Variants in ENTREP2 observed in about 807,000 individuals in gnomAD.
The protein encoded by ENTREP2 is endosomal transmembrane epsin interactor 2, also known as protein ENTREP2.
chr15:29,578,351 G>A, the ENTREP2 span, among the ~76,000 whole-genome samples: 1 of 152,186 alleles, frequency 6.6e-6, no homozygotes, highest in Non-Finnish European at 1.5e-5. Context: ...AGCAGTGACT[G>A]GAAAAGATAT....
At chr15:29,187,342 C>T in the ENTREP2 span, among the ~76,000 whole-genome samples, 5 of 152,152 alleles carry the variant, frequency 3.3e-5, no homozygotes, top group African/African-American at 1.2e-4. Context: ...GTGGTGCGAT[C>T]TCTGCTCACT....
the ENTREP2 span, among the ~76,000 whole-genome samples, chr15:29,172,911 G>A: frequency 5.9e-5 from 9 of 152,052 alleles, no homozygotes; most frequent in Non-Finnish European, 1.3e-4. Flanking sequence ...AGCCTAAGTC[G>A]GCTCCTGTCC....
the ENTREP2 span, among the ~76,000 whole-genome samples, chr15:29,607,821 T>C: frequency 7.0e-6 from 1 of 142,428 alleles, no homozygotes; most frequent in African/African-American, 2.9e-5. Flanking sequence ...GATAGATAGA[T>C]AGATAGACAG....
the ENTREP2 span, among the ~76,000 whole-genome samples, chr15:29,664,614 G>A: frequency 2.6e-5 from 4 of 152,016 alleles, no homozygotes; most frequent in Non-Finnish European, 4.4e-5. Flanking sequence ...ACACAAACGC[G>A]CCCACTGACT....
chr15:29,461,066 C>T, the ENTREP2 span, among the ~76,000 whole-genome samples: 10 of 152,122 alleles, frequency 6.6e-5, no homozygotes, highest in African/African-American at 2.4e-4. Flanking sequence ...ACGGCATCAA[C>T]ACGAGGATGA....
chr15:29,593,581 C>T, the ENTREP2 span, among the ~76,000 whole-genome samples: 2 of 152,226 alleles, frequency 1.3e-5, no homozygotes, highest in African/African-American at 4.8e-5. Context: ...CCATGGCTTC[C>T]AGCTTGCTCA....
the ENTREP2 span, among the ~76,000 whole-genome samples, chr15:29,131,017 G>A: frequency 4.6e-5 from 7 of 152,280 alleles, no homozygotes; most frequent in Admixed American, 1.3e-4. Flanking sequence ...GTTTGCAGAT[G>A]TGCTATTCTG....
chr15:29,134,423 G>A, the ENTREP2 span, among the ~76,000 whole-genome samples: 2 of 152,188 alleles, frequency 1.3e-5, no homozygotes, highest in East Asian at 3.9e-4. Flanking sequence ...TGCTCCAGGT[G>A]TTTCAGGGTG....
At chr15:29,436,447 A>T in the ENTREP2 span, among the ~76,000 whole-genome samples, 9 of 152,198 alleles carry the variant, frequency 5.9e-5, no homozygotes, top group Non-Finnish European at 1.2e-4. Context: ...AGACATTCCT[A>T]TGCAGAATCT....
the ENTREP2 span, among the ~76,000 whole-genome samples, chr15:29,670,959 G>C: frequency 6.6e-6 from 1 of 152,212 alleles, no homozygotes; most frequent in Non-Finnish European, 1.5e-5. Flanking sequence ...TTCAGGATGA[G>C]GGCTGGTCCC....
the ENTREP2 span, among the ~76,000 whole-genome samples, chr15:29,648,321 G>A: frequency 2.6e-4 from 40 of 152,192 alleles, no homozygotes; most frequent in African/African-American, 8.9e-4. Context: ...TATCCTTGTC[G>A]CACCATTAAC....
chr15:29,450,357 T>C, the ENTREP2 span, among the ~76,000 whole-genome samples: 1 of 152,342 alleles, frequency 6.6e-6, no homozygotes, highest in Admixed American at 6.5e-5. Flanking sequence ...TTTTATAGTT[T>C]TGGGTTTTTA....
At chr15:29,559,042 G>A in the ENTREP2 span, among the ~76,000 whole-genome samples, 1 of 152,078 alleles carries the variant, frequency 6.6e-6, no homozygotes, top group African/African-American at 2.4e-5. Flanking sequence ...GGGAGTCAGT[G>A]CCCCTAACCG....
chr15:29,608,616 G>A, the ENTREP2 span, among the ~76,000 whole-genome samples: 110 of 150,760 alleles, frequency 7.3e-4, no homozygotes, highest in African/African-American at 2.5e-3. Context: ...GTGCAGTGGC[G>A]CCATCTCGGC....
chr15:29,300,818 C>T, the ENTREP2 span, among the ~76,000 whole-genome samples: 3 of 152,166 alleles, frequency 2.0e-5, no homozygotes, highest in Admixed American at 6.5e-5. Context: ...CAGACAGTCT[C>T]GATCTCTTGA....
chr15:29,590,098 CCTTG>C, the ENTREP2 span, among the ~76,000 whole-genome samples: 7 of 152,078 alleles, frequency 4.6e-5, no homozygotes, highest in Non-Finnish European at 1.0e-4. Flanking sequence ...CTTTGAATGC[CCTTG>C]CAGCTGGGCC....
the ENTREP2 span, among the ~76,000 whole-genome samples, chr15:29,180,309 A>C: frequency 6.6e-6 from 1 of 152,178 alleles, no homozygotes. Flanking sequence ...AACACCAAAG[A>C]CTTGTTATTA....
chr15:29,329,000 A>G, the ENTREP2 span, among the ~76,000 whole-genome samples: 1 of 152,142 alleles, frequency 6.6e-6, no homozygotes, highest in Non-Finnish European at 1.5e-5. Context: ...GTTTTCCTAT[A>G]CATACATACC....
chr15:29,392,447 G>C, the ENTREP2 span, among the ~76,000 whole-genome samples: 1 of 144,792 alleles, frequency 6.9e-6, no homozygotes, highest in African/African-American at 2.6e-5. Context: ...TACTTCGTTC[G>C]CCTTGATGCT....
Sources: allele counts gnomAD v4.1 joint callset (sites outside exome capture counted in the v4.1 genomes callset), GRCh38; gene constraint gnomAD v4.1.1; transcripts MANE v1.5; gene names NCBI Gene and HGNC (gene_info 2026-07-23, HGNC 2026-07-21).